The following TTC3 variants were observed in gnomAD, a reference collection of about 807,000 sequenced individuals.
TTC3 encodes E3 ubiquitin-protein ligase TTC3.
Under a neutral mutation model 249.6 loss-of-function variants are expected in TTC3, and 180 were observed. That is an observed-to-expected ratio of 0.72 (90% confidence interval 0.64 to 0.82). The LOEUF (loss-of-function observed/expected upper bound fraction) is 0.82, where lower values mean the gene tolerates loss of function less well. TTC3 is among the 40% of genes least tolerant of loss of function. The pLI, the probability that TTC3 is intolerant of heterozygous loss-of-function variation, is 0.00. For synonymous variants in TTC3, 717 were observed against 805.0 expected, an observed-to-expected ratio of 0.89 and a Z score of 1.85; for missense variants, 2,061 against 2,398.4, an observed-to-expected ratio of 0.86 and a Z score of 2.94.
At chr21:37,132,565 G>A (rs1052668604) in intron 16 of TTC3, 117 bp from the exon 17 acceptor site, 9 of 556,280 alleles carry the variant, frequency 1.6e-5, no homozygotes, top group Non-Finnish European at 2.6e-5. Context: ...CACCCACCTC[G>A]GCCTCCCAAA....
chr21:37,108,240 A>G (rs780583688), intron 10 of TTC3, 152 bp from the exon 11 acceptor site: 47 of 592,662 alleles, frequency 7.9e-5, no homozygotes, highest in African/African-American at 1.7e-4. Context: ...CAAATTTCCT[A>G]TAATGGACAT....
At chr21:37,119,930 A>T (rs552067809) in intron 11 of TTC3, among the ~76,000 whole-genome samples, 33 of 152,158 alleles carry the variant, frequency 2.2e-4, no homozygotes, top group Non-Finnish European at 2.5e-4. Context: ...GGAAAAGGAG[A>T]CCCTCTCTCA....
intron 42 of TTC3, among the ~76,000 whole-genome samples, chr21:37,196,384 G>T (rs1306121307): frequency 6.6e-6 from 1 of 151,946 alleles, no homozygotes; most frequent in African/African-American, 2.4e-5. Context: ...TTATAGGCAT[G>T]CATGACTAAG....
chr21:37,182,321 T>A (rs970178465), intron 35 of TTC3, among the ~76,000 whole-genome samples: 1 of 152,220 alleles, frequency 6.6e-6, no homozygotes, highest in Non-Finnish European at 1.5e-5. Context: ...CAAAGAGGTT[T>A]TCATTTCTCT....
intron 15 of TTC3, among the ~76,000 whole-genome samples, chr21:37,127,328 C>T (rs1022136619): frequency 3.9e-5 from 6 of 152,044 alleles, no homozygotes; most frequent in African/African-American, 1.4e-4. Flanking sequence ...TAGGCTAAGT[C>T]TCATTTGTTT....
chr21:37,159,829 T>G (rs1473410348), intron 29 of TTC3, 84 bp downstream of exon 29: 2 of 1,289,316 alleles, frequency 1.6e-6, no homozygotes, highest in East Asian at 2.3e-5. Context: ...CAGTGTTTAT[T>G]GACATCACAG....
chr21:37,174,171 T>C (rs2156078), intron 35 of TTC3, among the ~76,000 whole-genome samples: 80,889 of 152,012 alleles, frequency 0.53, 22,142 homozygotes, highest in African/African-American at 0.64. Flanking sequence ...TCTTTCTTTG[T>C]ACAGTCAGTC....
At chr21:37,201,182 A>G (rs1295955277) in intron 45 of TTC3, among the ~76,000 whole-genome samples, 1 of 152,208 alleles carries the variant, frequency 6.6e-6, no homozygotes, top group Non-Finnish European at 1.5e-5. Context: ...ACCGGGGATC[A>G]GGGCAAGACC....
intron 10 of TTC3, chr21:37,100,798 C>T (rs1480748302): frequency 6.6e-6 from 1 of 152,162 alleles, no homozygotes; most frequent in East Asian, 1.9e-4. Flanking sequence ...GATGAGATGT[C>T]CGTTTTATTC....
chr21:37,198,282 G>A (rs1225842278), intron 44 of TTC3, among the ~76,000 whole-genome samples: 1 of 152,204 alleles, frequency 6.6e-6, no homozygotes, highest in Non-Finnish European at 1.5e-5. Flanking sequence ...TGACCATCGT[G>A]GGGGATCTGA....
At chr21:37,159,351 G>C (rs147422584) in intron 28 of TTC3, among the ~76,000 whole-genome samples, 1 of 152,156 alleles carries the variant, frequency 6.6e-6, no homozygotes. Context: ...TCCTTAGCAC[G>C]CTGGGTTACA....
At chr21:37,197,204 C>A (rs560046823) in intron 42 of TTC3, among the ~76,000 whole-genome samples, 4 of 152,208 alleles carry the variant, frequency 2.6e-5, no homozygotes, top group African/African-American at 9.6e-5. Context: ...TGGCTCACGC[C>A]AGGCCGAGGC....
intron 21 of TTC3, among the ~76,000 whole-genome samples, chr21:37,146,154 T>G (rs1456209810): frequency 6.6e-6 from 1 of 152,202 alleles, no homozygotes; most frequent in Non-Finnish European, 1.5e-5. Flanking sequence ...ACGTAAGTAT[T>G]GGAACCTGGG....
intron 12 of TTC3, 96 bp downstream of exon 12, chr21:37,122,075 C>A: frequency 8.7e-7 from 1 of 1,145,600 alleles, no homozygotes; most frequent in Non-Finnish European, 1.2e-6. Context: ...CAAATCAATC[C>A]TCAGATGATT....
At chr21:37,082,754 CAGT>C in intron 1 of TTC3, 2 of 984,990 alleles carry the variant, frequency 2.0e-6, no homozygotes, top group South Asian at 9.4e-5. Flanking sequence ...TTCCTCCCAA[CAGT>C]ACATTCCCCC....
chr21:37,147,563 A>G, exon 22 of TTC3: 1 of 1,611,656 alleles, frequency 6.2e-7, no homozygotes, highest in East Asian at 2.2e-5. Context: ...TGCCATGGAT[A>G]TTCTAAGATC....
At chr21:37,078,068 T>A (rs2071147055) in intron 1 of TTC3, among the ~76,000 whole-genome samples, 1 of 152,110 alleles carries the variant, frequency 6.6e-6, no homozygotes, top group Non-Finnish European at 1.5e-5. Flanking sequence ...CCTGTGTGGT[T>A]CTAATTATCC....
intron 17 of TTC3, among the ~76,000 whole-genome samples, chr21:37,134,175 G>A (rs1445797593): frequency 6.6e-6 from 1 of 152,054 alleles, no homozygotes; most frequent in African/African-American, 2.4e-5. Flanking sequence ...GCAGAGGCCG[G>A]GTGCAGGGTC....
rs2078815008 is a variant in TTC3, at chr21:37,144,568, AT to A, written c.1819del (p.Tyr607IlefsTer7). The A allele has an allele frequency of 6.2e-7, 1 of 1,612,606 alleles. No individual in the cohort carries two copies. Among genetic ancestry groups the A allele is most frequent in the Non-Finnish European group, 8.5e-7 (1 of 1,179,450 alleles). On this transcript the variant is annotated frameshift_variant, in exon 21 of 46. Coordinates refer to ENST00000355666, the Ensembl canonical transcript of TTC3. LOFTEE classifies it high-confidence loss of function. Reference sequence around the variant, plus strand: ...TCACTTTGAGAAAGCAAGAACCTTGATTTATCGTCTTCCTGGAGTGTTAACT... The same window carrying A: ...TCACTTTGAGAAAGCAAGAACCTTGATTATCGTCTTCCTGGAGTGTTAACT...
Sources: gnomAD v4.1 joint callset for allele counts (sites outside exome capture counted in the v4.1 genomes callset) on GRCh38, gnomAD v4.1.1 for gene constraint, MANE v1.5 for transcripts, NCBI Gene and HGNC (gene_info 2026-07-23, HGNC 2026-07-21) for gene names.